The following DLG2 variants were observed in gnomAD, a reference collection of about 807,000 sequenced individuals.
The protein encoded by DLG2 is discs large MAGUK scaffold protein 2.
DLG2 carries 45 observed loss-of-function variants against 132.5 expected under a neutral mutation model. The ratio of observed to expected loss-of-function variants is 0.34; its 90% CI spans 0.27 to 0.44. DLG2 has a LOEUF of 0.44. DLG2 is among the 20% of genes least tolerant of loss of function. The probability of loss-of-function intolerance (pLI) is 1.00; values close to 1 mark genes in which losing one functional copy is unlikely to be tolerated. For missense variants in DLG2, 1,045 were observed against 1,196.9 expected, an observed-to-expected ratio of 0.87 and a Z score of 1.87; for synonymous variants, 424 against 419.6, an observed-to-expected ratio of 1.01 and a Z score of -0.13.
chr11:85,625,543 G>A (rs2081986216), intron 2 of DLG2, among the ~76,000 whole-genome samples: 1 of 152,140 alleles, frequency 6.6e-6, no homozygotes, highest in African/African-American at 2.4e-5. Context: ...ATATCAGCTT[G>A]GATAAGGCAT....
intron 21 of DLG2, among the ~76,000 whole-genome samples, chr11:83,519,778 T>C (rs1361094618): frequency 6.6e-6 from 1 of 152,210 alleles, no homozygotes; most frequent in Admixed American, 6.5e-5. Flanking sequence ...GCTCATGGGA[T>C]GAGCTGGGTG....
rs1183376754 is a variant in DLG2, at chr11:83,760,015, G to C, written c.1825+26675C>G. On this transcript the variant is annotated intron_variant, in intron 18 of 27. Coordinates refer to ENST00000376104, the MANE Select transcript of DLG2 (RefSeq NM_001142699.3). Reference sequence around the variant, plus strand: ...TGGTTTGTGATATTTAGAAGGCAGAGAGGACATACTAACTTTCCCTCCATG... The same window carrying C: ...TGGTTTGTGATATTTAGAAGGCAGACAGGACATACTAACTTTCCCTCCATG... Among the ~76,000 whole-genome samples, 3 of 152,184 alleles carry C rather than the reference G, an allele frequency of 2.0e-5. No individual in the cohort carries two copies. The East Asian group carries it at 5.8e-4, about 29-fold the overall frequency.
chr11:84,561,456 T>C (rs2099428613), intron 6 of DLG2, among the ~76,000 whole-genome samples: 1 of 152,146 alleles, frequency 6.6e-6, no homozygotes, highest in Non-Finnish European at 1.5e-5. Flanking sequence ...CTCTCTTCTG[T>C]GCTTTCCAAA....
intron 17 of DLG2, among the ~76,000 whole-genome samples, chr11:83,804,090 C>A (rs921983809): frequency 6.6e-6 from 1 of 152,068 alleles, no homozygotes; most frequent in Non-Finnish European, 1.5e-5. Flanking sequence ...CCTAAAAGCT[C>A]CCAAGAAACA....
chr11:84,749,826 T>A (rs1463527307), intron 6 of DLG2, among the ~76,000 whole-genome samples: 1 of 152,170 alleles, frequency 6.6e-6, no homozygotes, highest in Non-Finnish European at 1.5e-5. Context: ...TGGTTTCCTC[T>A]ACGTGTTTAG....
rs552660629 is a variant in DLG2, at chr11:84,075,195, C to A, written c.750-15711G>T. Among the ~76,000 whole-genome samples, 3 of 152,334 alleles carry A rather than the reference C, an allele frequency of 2.0e-5. No individual in the cohort carries two copies. The East Asian group carries it at 5.8e-4, about 29-fold the overall frequency. Reference sequence around the variant, plus strand: ...AACTTGATTATTTAATCTAAAGTTGCCACCAGGCATTCATCACTATATCAC... The same window carrying A: ...AACTTGATTATTTAATCTAAAGTTGACACCAGGCATTCATCACTATATCAC... On this transcript the variant is annotated intron_variant, in intron 10 of 27. Transcript: ENST00000376104.
chr11:84,801,265 G>A (rs1396745692), intron 6 of DLG2, among the ~76,000 whole-genome samples: 1 of 152,096 alleles, frequency 6.6e-6, no homozygotes, highest in Non-Finnish European at 1.5e-5. Context: ...AGTCCAAGAA[G>A]GTTATTAGAA....
intron 19 of DLG2, among the ~76,000 whole-genome samples, chr11:83,621,506 G>A (rs1315567294): frequency 6.6e-6 from 1 of 152,114 alleles, no homozygotes; most frequent in African/African-American, 2.4e-5. Flanking sequence ...AAATAAATGT[G>A]AAATGATGCT....
Position 84,685,260 on chromosome 11 carries a change from A to C in DLG2, c.358-150529T>G, listed in dbSNP as rs116091205. 3.9e-3 allele frequency among the ~76,000 whole-genome samples: 589 copies of C among 152,338 alleles called. 3 individuals carry two copies. The highest frequency in any genetic ancestry group is 0.014 in the African/African-American group (575 of 41,572). ...GAGTTCCTAGAAAGCTGGCCTTTCC[A>C]TATTTGTGTCCTCAATGCCTAGCCA... On this transcript the variant is annotated intron_variant, in intron 6 of 27. Coordinates refer to ENST00000376104, the MANE Select transcript of DLG2 (RefSeq NM_001142699.3).
intron 21 of DLG2, among the ~76,000 whole-genome samples, chr11:83,493,348 C>T (rs1230441678): frequency 3.4e-5 from 1 of 29,456 alleles, no homozygotes; most frequent in Non-Finnish European, 7.5e-5. Context: ...TCCTTCCTTC[C>T]TTCCTTCCTT....
chr11:85,126,990 G>C (rs1044952510), intron 5 of DLG2, among the ~76,000 whole-genome samples: 2 of 152,162 alleles, frequency 1.3e-5, no homozygotes, highest in Non-Finnish European at 2.9e-5. Flanking sequence ...GAAAATAGGA[G>C]AGAGCTCAAA....
intron 6 of DLG2, among the ~76,000 whole-genome samples, chr11:84,693,673 T>TTA (rs1317448796): frequency 1.3e-5 from 2 of 151,672 alleles, no homozygotes; most frequent in African/African-American, 4.8e-5. Flanking sequence ...CTCACCTGGC[T>TTA]TATACACTCT....
At position 83,633,893 on chromosome 11, in the gene DLG2, T is replaced by C. The variant is rs79213135; in HGVS notation, c.1826-568A>G. On this transcript the variant is annotated intron_variant, in intron 18 of 27. Transcript: ENST00000376104. Reference sequence around the variant, plus strand: ...TACTATTGGGAGAAACTGAGTAAAATAGTTATTTCTTACAGCTGCATGTGA... The same window carrying C: ...TACTATTGGGAGAAACTGAGTAAAACAGTTATTTCTTACAGCTGCATGTGA... 9.1e-3 allele frequency among the ~76,000 whole-genome samples: 1,385 copies of C among 151,610 alleles called. 31 individuals are homozygous for C. The highest frequency in any genetic ancestry group is 0.032 in the African/African-American group (1,309 of 41,114).
chr11:84,904,436 AT>A (rs2091270303), intron 6 of DLG2, among the ~76,000 whole-genome samples: 1 of 152,166 alleles, frequency 6.6e-6, no homozygotes, highest in African/African-American at 2.4e-5. Flanking sequence ...TATTCATGAT[AT>A]GGCCTCCGTT....
intron 3 of DLG2, among the ~76,000 whole-genome samples, chr11:85,585,010 G>C (rs2078873575): frequency 6.6e-6 from 1 of 152,108 alleles, no homozygotes; most frequent in Non-Finnish European, 1.5e-5. Flanking sequence ...GTTTAATTAA[G>C]TTCCATCTAT....
At chr11:85,522,929 G>C (rs1319812585) in intron 3 of DLG2, among the ~76,000 whole-genome samples, 1 of 152,208 alleles carries the variant, frequency 6.6e-6, no homozygotes, top group Non-Finnish European at 1.5e-5. Context: ...GCTGGAATGA[G>C]TTAAGACATT....
At chr11:83,527,082 T>C (rs2095627768) in intron 21 of DLG2, among the ~76,000 whole-genome samples, 1 of 152,204 alleles carries the variant, frequency 6.6e-6, no homozygotes, top group African/African-American at 2.4e-5. Context: ...CCTCATTTTA[T>C]TTTAGCAGGC....
intron 3 of DLG2, among the ~76,000 whole-genome samples, chr11:85,589,264 T>G (rs1056400830): frequency 1.3e-5 from 2 of 152,212 alleles, no homozygotes; most frequent in African/African-American, 4.8e-5. Context: ...AGCGTTATTC[T>G]GTCATTGAGT....
At chr11:84,670,741 T>C (rs1254553851) in intron 6 of DLG2, among the ~76,000 whole-genome samples, 5 of 152,152 alleles carry the variant, frequency 3.3e-5, no homozygotes, top group Non-Finnish European at 7.4e-5. Flanking sequence ...AGCCAAGATT[T>C]GAACTTAGTC....
Sources: gnomAD v4.1 joint callset for allele counts (sites outside exome capture counted in the v4.1 genomes callset) on GRCh38, gnomAD v4.1.1 for gene constraint, MANE v1.5 for transcripts, NCBI Gene and HGNC (gene_info 2026-07-23, HGNC 2026-07-21) for gene names.